IFT122: variants seen among roughly 807,000 people sequenced by gnomAD.
IFT122 encodes the protein intraflagellar transport protein 122 homolog.
In IFT122, 118 loss-of-function variants were observed where a neutral mutation model predicts 161.6. The observed-to-expected ratio is 0.73, with a 90% CI of 0.63 to 0.85. The LOEUF (loss-of-function observed/expected upper bound fraction) is 0.85, where lower values mean the gene tolerates loss of function less well. Among genes scored for constraint, IFT122 ranks in the 40% least tolerant of loss-of-function variants. The pLI is 0.00. For synonymous variants in IFT122, 550 were observed against 602.4 expected (o/e 0.91, Z 1.27); for missense variants, 1,381 against 1,579.6 (o/e 0.87, Z 2.13).
At chr3:129,507,226 G>A (rs566042437) in intron 22 of IFT122, among the ~76,000 whole-genome samples, 1 of 152,292 alleles carries the variant, frequency 6.6e-6, no homozygotes, top group Non-Finnish European at 1.5e-5. Context: ...GTGTAAGGTC[G>A]CATTTTTCTG....
rs1268622335 is a variant in IFT122, at chr3:129,495,482, T to C, written c.2083T>C (p.Phe695Leu). ...KKRGETNNDL[F>L]LADVFSYQGK... ...GCGGGGAGAGACCAACAATGACCTG[T>C]TTCTGGCAGATGTGTTTTCCTACCA... The change falls in exon 18 of 30, where the codon TTT becomes CTT. Residue 695 changes from phenylalanine to leucine, a missense_variant. Coordinates refer to ENST00000348417, the MANE Select transcript of IFT122 (RefSeq NM_052989.3). 4 of 1,614,218 alleles carry C rather than the reference T, an allele frequency of 2.5e-6. No individual in the cohort carries two copies. Among genetic ancestry groups the C allele is most frequent in the Non-Finnish European group, 3.4e-6 (4 of 1,180,036 alleles).
At chr3:129,506,232 A>G (rs544259444) in intron 21 of IFT122, among the ~76,000 whole-genome samples, 177 bp from the exon 22 acceptor site, 36 of 152,296 alleles carry the variant, frequency 2.4e-4, no homozygotes, top group African/African-American at 7.9e-4. Flanking sequence ...TACTTTTTCC[A>G]GGATGTAGCC....
At chr3:129,446,791 CAG>C (rs1363484904) in intron 1 of IFT122, among the ~76,000 whole-genome samples, 4 of 152,146 alleles carry the variant, frequency 2.6e-5, no homozygotes, top group African/African-American at 7.2e-5. Context: ...AGATATTTTA[CAG>C]AGTTTGATTT....
intron 18 of IFT122, 126 bp downstream of exon 18, chr3:129,495,733 TG>T (rs1182342677): frequency 8.8e-7 from 1 of 1,132,216 alleles, no homozygotes; most frequent in Non-Finnish European, 1.3e-6. Context: ...AGAAAGGATG[TG>T]GGGAAACTGG....
At chr3:129,502,407 T>A (rs1336334032) in intron 19 of IFT122, among the ~76,000 whole-genome samples, 1 of 152,164 alleles carries the variant, frequency 6.6e-6, no homozygotes, top group Non-Finnish European at 1.5e-5. Context: ...ATGGGAAAGC[T>A]CATGGCGTCA....
chr3:129,465,116 T>TGA (rs1325415223), intron 7 of IFT122, among the ~76,000 whole-genome samples: 4 of 6,838 alleles, frequency 5.8e-4, no homozygotes, highest in Admixed American at 1.4e-3. Flanking sequence ...TGTATATGAG[T>TGA]GTGTGTGTGT....
At chr3:129,477,422 T>C (rs1317776824) in intron 11 of IFT122, among the ~76,000 whole-genome samples, 3 of 152,242 alleles carry the variant, frequency 2.0e-5, no homozygotes, top group Admixed American at 2.0e-4. Flanking sequence ...AGTGCACTGC[T>C]AGGTGCCTTT....
chr3:129,480,464 A>G (rs995856754), intron 13 of IFT122, among the ~76,000 whole-genome samples: 11 of 152,264 alleles, frequency 7.2e-5, no homozygotes, highest in Non-Finnish European at 1.3e-4. Flanking sequence ...GCTCAGCATA[A>G]GAAAAGTTCT....
chr3:129,512,170 T>G, intron 23 of IFT122, 142 bp from the exon 24 acceptor site: 1 of 751,856 alleles, frequency 1.3e-6, no homozygotes, highest in African/African-American at 1.7e-5. Context: ...TATATGGCGC[T>G]CAGCACACAG....
chr3:129,480,805 C>T (rs2078547104), intron 13 of IFT122, among the ~76,000 whole-genome samples: 2 of 152,202 alleles, frequency 1.3e-5, no homozygotes, highest in South Asian at 4.1e-4. Flanking sequence ...GAGGATAATA[C>T]CACATATTTC....
At chr3:129,442,225 GT>G (rs1392726078) in intron 1 of IFT122, among the ~76,000 whole-genome samples, 2 of 151,196 alleles carry the variant, frequency 1.3e-5, no homozygotes, top group Admixed American at 1.3e-4. Flanking sequence ...TCCAGAGTCT[GT>G]TGAGCATAAG....
At chr3:129,485,709 T>A (rs1312919326) in intron 15 of IFT122, among the ~76,000 whole-genome samples, 1 of 152,274 alleles carries the variant, frequency 6.6e-6, no homozygotes, top group Non-Finnish European at 1.5e-5. Context: ...GCTCTCTGAC[T>A]GTGGCCGGCC....
At chr3:129,518,117 C>A (rs774223299) in intron 27 of IFT122, among the ~76,000 whole-genome samples, 1 of 152,254 alleles carries the variant, frequency 6.6e-6, no homozygotes, top group Admixed American at 6.5e-5. Context: ...GTCCTCTGGG[C>A]AACTTCATTC....
At chr3:129,494,318 T>C (rs958947565) in intron 17 of IFT122, among the ~76,000 whole-genome samples, 1 of 152,016 alleles carries the variant, frequency 6.6e-6, no homozygotes, top group African/African-American at 2.4e-5. Context: ...AGTGTAGGGA[T>C]CACAGGTGTA....
chr3:129,447,577 A>G (rs973414508), intron 1 of IFT122, among the ~76,000 whole-genome samples: 11 of 152,122 alleles, frequency 7.2e-5, no homozygotes, highest in South Asian at 2.1e-4. Flanking sequence ...CAGTGGTGCA[A>G]TCTCGGCTCA....
intron 9 of IFT122, among the ~76,000 whole-genome samples, chr3:129,473,046 A>G (rs941873158): frequency 6.6e-6 from 1 of 152,174 alleles, no homozygotes; most frequent in Non-Finnish European, 1.5e-5. Flanking sequence ...CATGCCTGTA[A>G]TCTTAGTACT....
chr3:129,451,887 A>G (rs1483228105), intron 2 of IFT122, 27 bp from the exon 3 acceptor site: 1 of 1,578,556 alleles, frequency 6.3e-7, no homozygotes, highest in South Asian at 1.1e-5. Flanking sequence ...TATCACATAG[A>G]TAATCTGTAT....
chr3:129,487,369 A>G (rs547088981), intron 15 of IFT122: 1 of 150,748 alleles, frequency 6.6e-6, no homozygotes, highest in East Asian at 1.9e-4. Flanking sequence ...ATTGCCAGCT[A>G]TTTGCTGGGA....
intron 19 of IFT122, among the ~76,000 whole-genome samples, chr3:129,502,139 G>A (rs1872105): frequency 0.13 from 19,583 of 152,206 alleles, 1,602 homozygotes; most frequent in South Asian, 0.24. Context: ...GGAGGACAGG[G>A]AAGACTTCCT....
Sources: allele counts gnomAD v4.1 joint callset (sites outside exome capture counted in the v4.1 genomes callset), GRCh38; gene constraint gnomAD v4.1.1; transcripts MANE v1.5; gene names NCBI Gene and HGNC (gene_info 2026-07-23, HGNC 2026-07-21).